Variants in ITGAM observed in about 807,000 individuals in gnomAD.
ITGAM encodes integrin alpha-M.
Under a neutral mutation model 137.5 loss-of-function variants are expected in ITGAM, and 79 were observed. That is an observed-to-expected ratio of 0.57 (90% CI 0.48 to 0.69). The LOEUF (loss-of-function observed/expected upper bound fraction) is 0.69, where lower values mean the gene tolerates loss of function less well. ITGAM is among the 30% of genes least tolerant of loss of function. ITGAM has a pLI of 0.00. For missense variants in ITGAM, 1,343 were observed against 1,483.5 expected, an observed-to-expected ratio of 0.91 and a Z score of 1.56; for synonymous variants, 583 against 592.3, an observed-to-expected ratio of 0.98 and a Z score of 0.23.
At chr16:31,284,038 C>T (rs1262783510) in intron 12 of ITGAM, among the ~76,000 whole-genome samples, 1 of 152,204 alleles carries the variant, frequency 6.6e-6, no homozygotes, top group African/African-American at 2.4e-5. Flanking sequence ...GGCTGCAGAA[C>T]AGCAAATATT....
Position 31,272,088 on chromosome 16 carries a change from AG to A in ITGAM, c.704+98del. 9.6e-6 allele frequency: 14 copies of A among 1,459,442 alleles called. No homozygotes were observed. The South Asian group carries it at 1.6e-4, about 17-fold the overall frequency. 90.4% of individuals were successfully genotyped at this position (1,459,442 alleles called of 1,614,324 possible). A position where few individuals can be genotyped will look rare whatever the true frequency, so the allele number is the denominator to read the frequency against. On this transcript the variant is annotated intron_variant, in intron 7 of 29. Coordinates refer to ENST00000544665, the MANE Select transcript of ITGAM (RefSeq NM_000632.4). The stretch of plus-strand genomic sequence containing the variant: ...GGAGCCGTTCAGACAGGGGTGGTAG[AG>A]GATGCTTCCCCACCGGCAGAGGTGG...
chr16:31,296,324 G>A (rs780425144), intron 12 of ITGAM, among the ~76,000 whole-genome samples: 1 of 151,138 alleles, frequency 6.6e-6, no homozygotes, highest in Non-Finnish European at 1.5e-5. Flanking sequence ...TGATTTCCAG[G>A]TTGGTCTCGA....
At chr16:31,310,390 A>G (rs1357286305) in intron 14 of ITGAM, among the ~76,000 whole-genome samples, 1 of 151,812 alleles carries the variant, frequency 6.6e-6, no homozygotes, top group Non-Finnish European at 1.5e-5. Flanking sequence ...GGCTTTGTTC[A>G]TTTCTTTTTA....
At position 31,261,093 on chromosome 16, in the gene ITGAM, C is replaced by T. The variant is rs41523945; in HGVS notation, c.29-599C>T. On this transcript the variant is annotated intron_variant, in intron 1 of 29. Coordinates refer to ENST00000544665, the MANE Select transcript of ITGAM (RefSeq NM_000632.4). ...CAGAATAAGTGTGCTAATCCCCGCCCCAGGCTAACAGAGCTGGACCTGGGA... is the reference window on the plus strand; with the variant it reads ...CAGAATAAGTGTGCTAATCCCCGCCTCAGGCTAACAGAGCTGGACCTGGGA... 1.9e-3 allele frequency among the ~76,000 whole-genome samples: 292 copies of T among 152,220 alleles called. 4 individuals are homozygous for T. The highest frequency in any genetic ancestry group is 6.9e-3 in the African/African-American group (286 of 41,528).
At chr16:31,298,204 C>CAAAAAAAAA (rs61202942) in intron 14 of ITGAM, among the ~76,000 whole-genome samples, 1 of 77,828 alleles carries the variant, frequency 1.3e-5, no homozygotes. Flanking sequence ...CCCATCTCTC[C>CAAAAAAAAA]AAAAAAAAAA....
At position 31,324,925 on chromosome 16, in the gene ITGAM, T is replaced by C. The variant is rs769154997; in HGVS notation, c.2290-33T>C. 1.9e-6 allele frequency: 3 copies of C among 1,573,726 alleles called. No individual in the cohort carries two copies. The highest frequency in any genetic ancestry group is 2.6e-6 in the Non-Finnish European group (3 of 1,157,648). On this transcript the variant is annotated intron_variant, in intron 18 of 29. Transcript: ENST00000544665. The surrounding 1 kb of genome is among the most constrained non-coding windows in gnomAD (Gnocchi z 4.5). Reference sequence around the variant, plus strand: ...TTTCACAATACTTGGTTATTTTCTTTCCTTTCATTTGATCATATTTATTTT... The same window carrying C: ...TTTCACAATACTTGGTTATTTTCTTCCCTTTCATTTGATCATATTTATTTT...
intron 12 of ITGAM, among the ~76,000 whole-genome samples, chr16:31,293,326 G>A (rs566873536): frequency 6.6e-6 from 1 of 151,498 alleles, no homozygotes; most frequent in South Asian, 2.1e-4. Flanking sequence ...GCTTATTCCT[G>A]TGTCTAGAAT....
Position 31,321,553 on chromosome 16 carries a change from T to C in ITGAM, c.1928T>C (p.Val643Ala), listed in dbSNP as rs767081268. Residue 643 changes from valine (V) to alanine (A), a missense_variant, in exon 16 of 30, where the codon GTG (valine) becomes GCG (alanine). By Grantham distance (64) the Val-to-Ala change is moderately conservative. Transcript: ENST00000544665. ...GTATTTGAGTGTAATGATCAGGTGG[T>C]GAAAGGCAAGGAAGCCGGAGAGGTC... ...RNVFECNDQV[V>A]KGKEAGEVRV... The C allele has an allele frequency of 2.4e-5, 38 of 1,613,712 alleles. No individual in the cohort carries two copies. Among genetic ancestry groups the C allele is most frequent in the South Asian group, 1.2e-4 (11 of 91,068 alleles).
intron 12 of ITGAM, among the ~76,000 whole-genome samples, chr16:31,296,930 G>A (rs1452049209): frequency 6.6e-6 from 1 of 151,980 alleles, no homozygotes; most frequent in Non-Finnish European, 1.5e-5. Context: ...TTTAATCTAA[G>A]CCAGTTATTA....
chr16:31,328,327 T>TGA (rs747099667), intron 23 of ITGAM, 97 bp downstream of exon 23: 3 of 917,236 alleles, frequency 3.3e-6, no homozygotes, highest in Non-Finnish European at 5.4e-6. Flanking sequence ...TGTGTGTGTG[T>TGA]GAGAGTCTGA....
At chr16:31,305,047 C>T (rs1469070325) in intron 14 of ITGAM, among the ~76,000 whole-genome samples, 1 of 151,870 alleles carries the variant, frequency 6.6e-6, no homozygotes, top group African/African-American at 2.4e-5. Flanking sequence ...GTAGATTGGG[C>T]AGTATGGTCA....
chr16:31,279,237 C>A (rs1022770160), intron 12 of ITGAM, among the ~76,000 whole-genome samples: 104 of 152,226 alleles, frequency 6.8e-4, no homozygotes, highest in Non-Finnish European at 1.3e-3. Flanking sequence ...ATTTATAATT[C>A]TTTGGGTATA....
intron 29 of ITGAM, 110 bp from the exon 30 acceptor site, chr16:31,331,515 TCCCGCCCCGCC>T: frequency 2.2e-6 from 1 of 457,054 alleles, no homozygotes; most frequent in Non-Finnish European, 4.1e-6. Flanking sequence ...GTCACTCCCC[TCCCGCCCCGCC>T]CTCCTGGGTC....
rs760122822 is a variant in ITGAM at position 31,324,492 on chromosome 16, G to T, written c.2096G>T (p.Arg699Leu). The T allele has an allele frequency of 4.4e-6, 7 of 1,597,814 alleles. No individual in the cohort carries two copies. The highest frequency in any genetic ancestry group is 2.3e-5 in the East Asian group (1 of 44,054). ...TTCAATGAGACAAAGAACAGCACACGCAGACAGACACAGGTCTTGGGGCTG... is the reference window on the plus strand; with the variant it reads ...TTCAATGAGACAAAGAACAGCACACTCAGACAGACACAGGTCTTGGGGCTG... ...AVFNETKNST[R>L]RQTQVLGLTQ... The change falls in exon 17 of 30, where the codon CGC becomes CTC. Residue 699 changes from arginine (R) to leucine (L), a missense_variant. Physicochemically the swap from Arg to Leu is moderately radical, Grantham distance 102 (BLOSUM62 -2). Transcript: ENST00000544665. The surrounding 1 kb of genome is among the most constrained non-coding windows in gnomAD (Gnocchi z 4.5).
At chr16:31,300,051 G>A (rs988827418) in intron 14 of ITGAM, among the ~76,000 whole-genome samples, 4 of 151,994 alleles carry the variant, frequency 2.6e-5, no homozygotes, top group Non-Finnish European at 5.9e-5. Flanking sequence ...TGTAGAGATG[G>A]GGTCTCCCTA....
rs551223805 is a variant in ITGAM at position 31,283,213 on chromosome 16, T to C, written c.1356+5104T>C. Among the ~76,000 whole-genome samples the C allele has an allele frequency of 1.9e-3, 285 of 152,186 alleles. 4 individuals are homozygous for C. The highest frequency in any genetic ancestry group is 6.7e-3 in the African/African-American group (277 of 41,498). On this transcript the variant is annotated intron_variant, in intron 12 of 29. Coordinates refer to ENST00000544665, the MANE Select transcript of ITGAM (RefSeq NM_000632.4). ...TTATGTGTCTTGGAGTTGCTCTTCT[T>C]GAGGAGTATCTTTGTGGTGTTCTCT... is the stretch of plus-strand genomic sequence containing the variant.
chr16:31,270,965 G>T lies in ITGAM; in HGVS notation c.439G>T (p.Glu147Ter). The change falls in exon 6 of 30, where the codon GAG becomes TAG. Residue 147 changes from glutamate (E) to a stop codon, truncating the protein, a stop_gained. Coordinates refer to ENST00000544665, the MANE Select transcript of ITGAM (RefSeq NM_000632.4). LOFTEE classifies it high-confidence loss of function. ...FPEALRGCPQEDSDIAFLIDG... is the reference protein window; with the variant it reads ...FPEALRGCPQ ...TTCCCCTTCCCCAGGGTGTCCTCAA[G>T]AGGATAGTGACATTGCCTTCTTGAT... 1 of 1,552,954 alleles carries T rather than the reference G, an allele frequency of 6.4e-7. No homozygotes were observed. Among genetic ancestry groups the T allele is most frequent in the Non-Finnish European group, 8.7e-7 (1 of 1,144,658 alleles).
intron 14 of ITGAM, among the ~76,000 whole-genome samples, chr16:31,312,065 C>T (rs2080338491): frequency 7.1e-6 from 1 of 141,522 alleles, no homozygotes; most frequent in Non-Finnish European, 1.5e-5. Context: ...TGTTCTCACT[C>T]ATAGGTGGGA....
intron 12 of ITGAM, among the ~76,000 whole-genome samples, chr16:31,278,905 G>C (rs529116170): frequency 8.5e-5 from 13 of 152,060 alleles, no homozygotes; most frequent in Admixed American, 2.0e-4. Context: ...ACCCTACGAC[G>C]GGCCCTGGTG....
Sources: gnomAD v4.1 joint callset for allele counts (sites outside exome capture counted in the v4.1 genomes callset) on GRCh38, gnomAD v4.1.1 for gene constraint, Gnocchi (gnomAD v3.1) non-coding constraint, MANE v1.5 for transcripts, NCBI Gene and HGNC (gene_info 2026-07-23, HGNC 2026-07-21) for gene names.